MS4A18: variants seen among roughly 807,000 people sequenced by gnomAD.
MS4A18 encodes the protein membrane spanning 4-domains A18, also known as membrane-spanning 4-domains subfamily A member 18.
A neutral mutation model predicts 13.1 loss-of-function variants in MS4A18; 27 were observed. The ratio of observed to expected loss-of-function variants is 2.06; its 90% CI spans 1.52 to 2.84. The LOEUF (loss-of-function observed/expected upper bound fraction) is 2.84, where lower values mean the gene tolerates loss of function less well. Among genes scored for constraint, MS4A18 ranks in the 30% most tolerant of loss-of-function variants. The pLI is 0.00. For synonymous variants in MS4A18, 126 were observed against 76.5 expected, an observed-to-expected ratio of 1.65 and a Z score of -3.38; for missense variants, 307 against 196.4, an observed-to-expected ratio of 1.56 and a Z score of -3.37.
upstream of MS4A18, among the ~76,000 whole-genome samples, chr11:60,727,789 C>T (rs1853187457): frequency 6.6e-6 from 1 of 152,160 alleles, no homozygotes; most frequent in African/African-American, 2.4e-5. Context: ...GGGATATCTT[C>T]GCATCTAATA....
chr11:60,740,841 G>T (rs941913251), intron 4 of MS4A18, among the ~76,000 whole-genome samples, 189 bp from the exon 6 acceptor site: 1 of 152,196 alleles, frequency 6.6e-6, no homozygotes, highest in African/African-American at 2.4e-5. Context: ...GCAGTTGGAA[G>T]TCAGGCCAGT....
intron 5 of MS4A18, 61 bp from the exon 7 acceptor site, chr11:60,743,589 A>G (rs897891024): frequency 1.5e-6 from 1 of 668,524 alleles, no homozygotes; most frequent in Non-Finnish European, 2.7e-6. Flanking sequence ...GAAAAAAATT[A>G]TGGCCATTGT....
chr11:60,735,985 G>A (rs751573174), intron 2 of MS4A18, among the ~76,000 whole-genome samples: 2 of 152,074 alleles, frequency 1.3e-5, no homozygotes, highest in South Asian at 2.1e-4. Flanking sequence ...TTTATGGTCC[G>A]ATCATATTTA....
chr11:60,734,805 G>A (rs1370927034), intron 2 of MS4A18, among the ~76,000 whole-genome samples: 4 of 148,032 alleles, frequency 2.7e-5, no homozygotes, highest in Non-Finnish European at 6.0e-5. Flanking sequence ...TTTTTGAGGT[G>A]GAGTCTCGCT....
intron 5 of MS4A18, among the ~76,000 whole-genome samples, chr11:60,742,036 C>A (rs1853420399): frequency 6.6e-6 from 1 of 152,190 alleles, no homozygotes; most frequent in Non-Finnish European, 1.5e-5. Context: ...TGTCACTGCT[C>A]CATAATAATT....
chr11:60,737,114 A>G, intron 3 of MS4A18, 80 bp downstream of exon 4: 1 of 700,042 alleles, frequency 1.4e-6, no homozygotes, highest in Non-Finnish European at 2.6e-6. Flanking sequence ...GGAGACTCAC[A>G]GTAGTGGTGT....
intron 2 of MS4A18, among the ~76,000 whole-genome samples, chr11:60,736,537 T>A (rs1678428418): frequency 1.3e-5 from 2 of 152,050 alleles, no homozygotes; most frequent in South Asian, 4.1e-4. Flanking sequence ...AGGTCTCCTA[T>A]CTCCCAGCCC....
chr11:60,737,753 T>C (rs772056105), intron 3 of MS4A18, among the ~76,000 whole-genome samples: 3 of 152,218 alleles, frequency 2.0e-5, no homozygotes, highest in Admixed American at 6.5e-5. Context: ...ACTTTCTCTG[T>C]ATGGCTTGTC....
Position 60,729,714 on chromosome 11 carries a change from G to A in MS4A18, c.399G>A (p.Trp133Ter), listed in dbSNP as rs1299138605. 1.4e-6 allele frequency: 1 copy of A among 702,720 alleles called. No homozygotes were observed. Among genetic ancestry groups the A allele is most frequent in the South Asian group, 1.5e-5 (1 of 67,558 alleles). The allele number at this position is 702,720 out of a possible 1,614,324, so 43.5% of individuals were successfully genotyped here. The change falls in exon 1 of 6, where the codon TGG becomes TGA. Residue 133 changes from tryptophan to a stop codon, truncating the protein, a stop_gained. Coordinates refer to ENST00000529108, the Ensembl canonical transcript of MS4A18. LOFTEE classifies it high-confidence loss of function. ...CACACACCTCAAACTCATCCCAGTG[G>A]AACACGTCATTTGCATCATTTACTT...
At chr11:60,738,432 T>G (rs536509513) in intron 3 of MS4A18, among the ~76,000 whole-genome samples, 6 of 152,234 alleles carry the variant, frequency 3.9e-5, no homozygotes, top group Non-Finnish European at 8.8e-5. Context: ...TGCAGAGTAG[T>G]TCTGCATCTT....
chr11:60,739,288 G>C (rs1378344415), intron 4 of MS4A18, among the ~76,000 whole-genome samples: 3 of 151,940 alleles, frequency 2.0e-5, no homozygotes, highest in African/African-American at 7.3e-5. Flanking sequence ...AGCGGCCTAG[G>C]GGGCTGCCAC....
At chr11:60,741,444 C>T (rs1853413801) in intron 5 of MS4A18, among the ~76,000 whole-genome samples, 1 of 152,124 alleles carries the variant, frequency 6.6e-6, no homozygotes, top group African/African-American at 2.4e-5. Flanking sequence ...AATAGCTCAC[C>T]TCTGCTCCAC....
chr11:60,735,595 C>G (rs1313494172), intron 2 of MS4A18, among the ~76,000 whole-genome samples: 1 of 150,186 alleles, frequency 6.7e-6, no homozygotes, highest in Non-Finnish European at 1.5e-5. Flanking sequence ...CCTCGGCCTC[C>G]CAAAGTGCTG....
At chr11:60,725,441 G>A (rs556320064), upstream of MS4A18, among the ~76,000 whole-genome samples, 15 of 152,158 alleles carry the variant, frequency 9.9e-5, no homozygotes, top group East Asian at 1.5e-3. Context: ...TGATCTGCCC[G>A]CCTTGGCCTC....
At chr11:60,725,396 G>A (rs571590182), upstream of MS4A18, among the ~76,000 whole-genome samples, 7 of 152,142 alleles carry the variant, frequency 4.6e-5, no homozygotes, top group South Asian at 4.2e-4. Flanking sequence ...GGGTTTCACC[G>A]TGTTAACCAG....
At chr11:60,734,962 T>C (rs747773908) in intron 2 of MS4A18, among the ~76,000 whole-genome samples, 3 of 151,940 alleles carry the variant, frequency 2.0e-5, no homozygotes. Context: ...TTTGTATTTT[T>C]AGTAGAGACG....
intron 5 of MS4A18, 114 bp downstream of exon 6, chr11:60,741,257 T>C: frequency 1.5e-6 from 1 of 684,140 alleles, no homozygotes; most frequent in Non-Finnish European, 2.7e-6. Context: ...GGTGTATCAG[T>C]TAAGTTTTGC....
Position 60,732,580 on chromosome 11 carries a change from A to C in MS4A18, c.478-954A>C, listed in dbSNP as rs1056487616. Among the ~76,000 whole-genome samples the C allele has an allele frequency of 2.0e-5, 3 of 152,030 alleles. No individual in the cohort carries two copies. In the South Asian group the frequency reaches 6.3e-4, roughly 32 times the overall value. On this transcript the variant is annotated intron_variant, in intron 1 of 5. Coordinates refer to ENST00000529108, the Ensembl canonical transcript of MS4A18. ...CATCTCTACTAAAAATACAAAAAAA[A>C]ATTAGCCTGGCTGGGTGGCAGGCAC...
chr11:60,739,267 G>A (rs1853383600), intron 4 of MS4A18, among the ~76,000 whole-genome samples: 2 of 152,042 alleles, frequency 1.3e-5, no homozygotes, highest in Non-Finnish European at 1.5e-5. Context: ...GAGGTAGCAG[G>A]TGACCAGGTA....
Sources: allele counts gnomAD v4.1 joint callset (sites outside exome capture counted in the v4.1 genomes callset), GRCh38; gene constraint gnomAD v4.1.1; transcripts MANE v1.5; gene names NCBI Gene and HGNC (gene_info 2026-07-23, HGNC 2026-07-21).